Variants in SPATA13 observed in about 807,000 individuals in gnomAD.
SPATA13 encodes the protein spermatogenesis associated 13, also known as spermatogenesis-associated protein 13.
Under a neutral mutation model 104.0 loss-of-function variants are expected in SPATA13, and 50 were observed. The ratio of observed to expected loss-of-function variants is 0.48; its 90% CI spans 0.38 to 0.61. The LOEUF is 0.61. SPATA13 is among the 20% of genes least tolerant of loss of function. SPATA13 has a pLI of 0.00. For synonymous variants in SPATA13, 606 were observed against 667.5 expected (o/e 0.91, Z 1.42); for missense variants, 1,524 against 1,690.6 (o/e 0.90, Z 1.73).
At position 24,139,647 on chromosome 13, in the gene SPATA13, T is replaced by C. The variant is rs570060991; in HGVS notation, c.-111-83172T>C. ...CTAGTTACTAAACACCAACTGGAAC[T>C]ACAGAAACCCTCTCTGAGCTTGGTA... On this transcript the variant is annotated intron_variant, in intron 3 of 14. Coordinates refer to the SPATA13 transcript ENST00000424834. Among the ~76,000 whole-genome samples, 9 of 152,368 alleles carry C rather than the reference T, an allele frequency of 5.9e-5. No individual in the cohort carries two copies. The South Asian group carries it at 1.9e-3, about 32-fold the overall frequency.
chr13:24,115,483 T>C (rs1053329446), intron 3 of SPATA13, among the ~76,000 whole-genome samples: 2 of 152,246 alleles, frequency 1.3e-5, no homozygotes, highest in Non-Finnish European at 2.9e-5. Flanking sequence ...AAACCGCGCA[T>C]GCGAAGGATG....
chr13:24,265,323 A>G (rs531863406), intron 4 of SPATA13, among the ~76,000 whole-genome samples: 2 of 152,320 alleles, frequency 1.3e-5, no homozygotes, highest in South Asian at 2.1e-4. Context: ...GTTACGTTCA[A>G]TGCCTTTCAG....
intron 1 of SPATA13, among the ~76,000 whole-genome samples, chr13:24,169,458 G>C (rs12876515): frequency 0.34 from 51,469 of 151,950 alleles, 8,922 homozygotes; most frequent in East Asian, 0.56. Flanking sequence ...AAATCAGTCT[G>C]GGTTCTATTT....
At chr13:24,169,925 G>A (rs372763429) in intron 1 of SPATA13, among the ~76,000 whole-genome samples, 104 of 152,270 alleles carry the variant, frequency 6.8e-4, no homozygotes, top group African/African-American at 2.2e-3. Flanking sequence ...CTTCTGATAC[G>A]GAGATTGTCT....
chr13:24,144,646 C>T (rs570807834), intron 3 of SPATA13, among the ~76,000 whole-genome samples: 82 of 152,238 alleles, frequency 5.4e-4, no homozygotes, highest in African/African-American at 1.7e-3. Flanking sequence ...CAGCTCCGTC[C>T]GGGTTGCAGC....
chr13:24,083,832 C>G (rs1879625657), intron 3 of SPATA13, among the ~76,000 whole-genome samples: 1 of 152,168 alleles, frequency 6.6e-6, no homozygotes, highest in Non-Finnish European at 1.5e-5. Flanking sequence ...TGCTCATTTC[C>G]CGGCTGCTCC....
chr13:24,277,799 G>A (rs557558300), intron 4 of SPATA13, among the ~76,000 whole-genome samples: 4 of 152,150 alleles, frequency 2.6e-5, no homozygotes, highest in Non-Finnish European at 5.9e-5. Context: ...CCTTTAAGAT[G>A]GTAAGCGACC....
intron 3 of SPATA13, among the ~76,000 whole-genome samples, chr13:24,054,872 T>C (rs1449186213): frequency 6.6e-6 from 1 of 152,214 alleles, no homozygotes; most frequent in Non-Finnish European, 1.5e-5. Context: ...GTGTGACAGA[T>C]CATACAATAA....
At position 24,223,057 on chromosome 13, in the gene SPATA13, C is replaced by T. The variant is rs765757781; in HGVS notation, c.128C>T (p.Thr43Ile). The change falls in exon 2 of 13, where the codon ACC becomes ATC. Residue 43 changes from threonine to isoleucine, a missense_variant. This residue lies in a region of SPATA13 where 1,089 missense variants were observed against 1,135.9 expected (regional missense o/e 0.96). Coordinates refer to ENST00000382108, the MANE Select transcript of SPATA13 (RefSeq NM_001166271.3). ...GSDLKDAKMV[T>I]SLACGNGVCG... is the part of the protein sequence containing the mutation. The stretch of plus-strand genomic sequence containing the variant: ...GACCTGAAAGACGCCAAGATGGTGA[C>T]CTCCCTTGCGTGTGGAAATGGAGTC... The T allele has an allele frequency of 3.2e-6, 5 of 1,551,728 alleles. No homozygotes were observed. The South Asian group carries it at 5.9e-5, about 18-fold the overall frequency.
intron 3 of SPATA13, among the ~76,000 whole-genome samples, chr13:24,150,922 A>G (rs1437393607): frequency 2.0e-5 from 3 of 152,110 alleles, no homozygotes; most frequent in Non-Finnish European, 4.4e-5. Flanking sequence ...TGCTGTCTAG[A>G]TGCTGTTTGA....
intron 7 of SPATA13, among the ~76,000 whole-genome samples, chr13:24,287,371 G>A (rs561719611): frequency 2.0e-5 from 3 of 152,244 alleles, no homozygotes; most frequent in East Asian, 3.9e-4. Context: ...CTGCGTTGCC[G>A]AGGCTGGTCA....
chr13:24,037,191 C>T (rs1282158990), intron 3 of SPATA13, among the ~76,000 whole-genome samples: 12 of 116,510 alleles, frequency 1.0e-4, no homozygotes, highest in African/African-American at 3.8e-4. Context: ...CATCACACAT[C>T]GGGGCCTGTC....
intron 3 of SPATA13, among the ~76,000 whole-genome samples, chr13:24,127,803 T>G (rs934996893): frequency 2.0e-5 from 3 of 152,224 alleles, no homozygotes; most frequent in Admixed American, 6.5e-5. Context: ...AATGGTATCA[T>G]AAATTTAAAT....
chr13:24,256,369 T>G (rs547145008), intron 4 of SPATA13, among the ~76,000 whole-genome samples: 1 of 152,292 alleles, frequency 6.6e-6, no homozygotes, highest in South Asian at 2.1e-4. Flanking sequence ...GATAAGTGCT[T>G]GGGGTGATGA....
intron 3 of SPATA13, among the ~76,000 whole-genome samples, chr13:24,095,364 C>A (rs541750217): frequency 1.3e-5 from 2 of 152,164 alleles, no homozygotes; most frequent in South Asian, 4.2e-4. Flanking sequence ...TTAGAGTAGT[C>A]AAAATCATAG....
intron 2 of SPATA13, among the ~76,000 whole-genome samples, chr13:23,990,059 AACTGCCAACCAGTTCC>A (rs1875340314): frequency 1.3e-5 from 2 of 152,204 alleles, no homozygotes; most frequent in African/African-American, 4.8e-5. Flanking sequence ...AGAGTAAGAC[AACTGCCAACCAGTTCC>A]ACCTAAACAG....
intron 2 of SPATA13, among the ~76,000 whole-genome samples, chr13:24,228,722 G>A (rs2138622158): frequency 6.6e-6 from 1 of 152,066 alleles, no homozygotes; most frequent in African/African-American, 2.4e-5. Flanking sequence ...TTTTTATTCA[G>A]CTCATTAACA....
At chr13:24,191,501 C>CTTTT (rs57437676) in intron 1 of SPATA13, among the ~76,000 whole-genome samples, 3 of 67,486 alleles carry the variant, frequency 4.4e-5, no homozygotes, top group Non-Finnish European at 5.6e-5. Flanking sequence ...ACATTGCTTT[C>CTTTT]TTTTTTTTTT....
intron 2 of SPATA13, among the ~76,000 whole-genome samples, chr13:24,243,065 G>A (rs908742052): frequency 6.6e-6 from 1 of 152,202 alleles, no homozygotes; most frequent in Non-Finnish European, 1.5e-5. Context: ...ATACTGTTAA[G>A]TGTTGTTATC....
Sources: allele counts gnomAD v4.1 joint callset (sites outside exome capture counted in the v4.1 genomes callset), GRCh38; gene constraint gnomAD v4.1.1; regional missense constraint gnomAD v4.1.1; transcripts MANE v1.5; gene names NCBI Gene and HGNC (gene_info 2026-07-23, HGNC 2026-07-21).